The following ENOX2 variants were observed in gnomAD, a reference collection of about 807,000 sequenced individuals.
ENOX2 encodes ecto-NOX disulfide-thiol exchanger 2.
ENOX2 carries 36 observed loss-of-function variants against 45.0 expected under a neutral mutation model. The observed-to-expected ratio is 0.80, with a 90% confidence interval of 0.61 to 1.06. ENOX2 has a LOEUF of 1.06. ENOX2 is among the 50% of genes least tolerant of loss of function. The pLI is 0.00. For missense variants in ENOX2, 423 were observed against 462.5 expected (o/e 0.91, Z 0.78); for synonymous variants, 174 against 152.3 (o/e 1.14, Z -1.05).
intron 6 of ENOX2, among the ~76,000 whole-genome samples, chrX:130,675,228 C>T (rs1286657933): frequency 9.0e-6 from 1 of 111,467 alleles, no homozygotes; most frequent in Non-Finnish European, 1.9e-5. Context: ...GTTTACAGTC[C>T]CACCAACAGT....
intron 3 of ENOX2, among the ~76,000 whole-genome samples, chrX:130,711,904 C>T (rs922309057): frequency 9.0e-6 from 1 of 111,064 alleles, no homozygotes; most frequent in Non-Finnish European, 1.9e-5. Context: ...GGGGTGAGGG[C>T]GTGGTATAGT....
intron 3 of ENOX2, among the ~76,000 whole-genome samples, chrX:130,769,189 T>C (rs1000222832): frequency 1.8e-5 from 2 of 111,340 alleles, no homozygotes; most frequent in African/African-American, 6.5e-5. Flanking sequence ...CCAGAACATT[T>C]CTCAGTGAAA....
chrX:130,687,749 GAAGA>G (rs1410522989), intron 5 of ENOX2, among the ~76,000 whole-genome samples: 3 of 111,665 alleles, frequency 2.7e-5, no homozygotes, highest in Non-Finnish European at 5.7e-5. Context: ...TCAAAAACCA[GAAGA>G]AAGCATAAAG....
chrX:130,647,891 G>A (rs1292499366), intron 10 of ENOX2, among the ~76,000 whole-genome samples: 1 of 110,652 alleles, frequency 9.0e-6, no homozygotes, highest in African/African-American at 3.3e-5. Context: ...CCTTAAATAA[G>A]TTTTCTTAGA....
intron 2 of ENOX2, among the ~76,000 whole-genome samples, chrX:130,891,828 G>A (rs773600565): frequency 5.4e-5 from 6 of 111,847 alleles, no homozygotes; most frequent in African/African-American, 1.9e-4. Flanking sequence ...ATTCAAAACA[G>A]TGAAAGTAAA....
intron 9 of ENOX2, among the ~76,000 whole-genome samples, chrX:130,661,915 GC>G (rs772835351): frequency 1.3e-4 from 15 of 112,094 alleles, no homozygotes; most frequent in Non-Finnish European, 2.8e-4. Flanking sequence ...TTTTCCTCTA[GC>G]CCCATGGTGT....
rs1348691471 is a variant in ENOX2 at position 130,631,496 on chromosome X, G to C, written c.1500C>G (p.Ile500Met). The C allele has an allele frequency of 5.0e-6, 6 of 1,196,309 alleles. No homozygotes were observed. The highest frequency in any genetic ancestry group is 5.7e-6 in the Non-Finnish European group (5 of 882,862). Residue 500 changes from isoleucine (I) to methionine (M), a missense_variant, in exon 13 of 15, where the codon ATC becomes ATG. Coordinates refer to ENST00000394363, the MANE Select transcript of ENOX2 (RefSeq NM_006375.4). ...PLEKTMNSSP[I>M]KSEREALLVG... ...CTAGCAGTGCTTCACGTTCAGATTT[G>C]ATAGGACTGCTGTTCATGGTCTTCT... is the stretch of plus-strand genomic sequence containing the variant.
chrX:130,898,102 G>A (rs944798500), intron 2 of ENOX2, among the ~76,000 whole-genome samples: 2 of 110,800 alleles, frequency 1.8e-5, no homozygotes, highest in Non-Finnish European at 3.8e-5. Flanking sequence ...CCGCCTCCTG[G>A]GTTGAAGCAA....
rs187017146 is a variant in ENOX2 at position 130,665,613 on chromosome X, A to G, written c.1014+30T>C. 7.8e-4 allele frequency: 814 copies of G among 1,039,959 alleles called. 3 individuals carry two copies. In the African/African-American group the frequency reaches 0.014, roughly 18 times the overall value. The allele number at this position is 1,039,959 out of a possible 1,213,427, so 85.7% of individuals were successfully genotyped here. A position where few individuals can be genotyped will look rare whatever the true frequency, so the allele number is the denominator to read the frequency against. The stretch of plus-strand genomic sequence containing the variant: ...TGTTAACGAAAGAAACTGTCCCCCC[A>G]AGGGGCTACCAGAATAAAAAGTTAC... On this transcript the variant is annotated intron_variant, in intron 9 of 14. Transcript: ENST00000394363.
At chrX:130,786,919 A>G (rs2076979643) in intron 2 of ENOX2, among the ~76,000 whole-genome samples, 1 of 87,408 alleles carries the variant, frequency 1.1e-5, no homozygotes, top group Non-Finnish European at 2.2e-5. Context: ...GTATATACCC[A>G]GTAATGGGAT....
intron 12 of ENOX2, among the ~76,000 whole-genome samples, chrX:130,631,805 G>GTTTT (rs757104618): frequency 2.1e-5 from 2 of 94,962 alleles, no homozygotes; most frequent in Non-Finnish European, 4.3e-5. Context: ...ACCTTCACCA[G>GTTTT]TTTTTTTTTT....
At chrX:130,744,030 T>C (rs1018528293) in intron 3 of ENOX2, among the ~76,000 whole-genome samples, 1 of 112,112 alleles carries the variant, frequency 8.9e-6, no homozygotes, top group Non-Finnish European at 1.9e-5. Context: ...CCTAAATGCC[T>C]AGCACTATGG....
At chrX:130,807,498 C>T (rs2077323767) in intron 2 of ENOX2, among the ~76,000 whole-genome samples, 1 of 111,797 alleles carries the variant, frequency 8.9e-6, no homozygotes, top group Non-Finnish European at 1.9e-5. Flanking sequence ...CTCCCCTCCA[C>T]TGCTGCCATT....
At chrX:130,739,453 C>T (rs762119424) in intron 3 of ENOX2, among the ~76,000 whole-genome samples, 2 of 112,291 alleles carry the variant, frequency 1.8e-5, no homozygotes, top group East Asian at 2.8e-4. Flanking sequence ...ATGTGTTTAT[C>T]GGGCAGTAAC....
intron 2 of ENOX2, among the ~76,000 whole-genome samples, chrX:130,821,201 A>C (rs751525460): frequency 9.0e-6 from 1 of 110,565 alleles, no homozygotes; most frequent in African/African-American, 3.3e-5. Flanking sequence ...GTATATACCC[A>C]AATGACTATA....
At chrX:130,888,044 T>G (rs1241414205) in intron 2 of ENOX2, among the ~76,000 whole-genome samples, 1 of 112,051 alleles carries the variant, frequency 8.9e-6, no homozygotes, top group Non-Finnish European at 1.9e-5. Flanking sequence ...AGCTAATTAT[T>G]TTAAGGCAAT....
intron 2 of ENOX2, among the ~76,000 whole-genome samples, chrX:130,847,716 A>G (rs997746729): frequency 3.6e-5 from 4 of 112,646 alleles, no homozygotes; most frequent in Non-Finnish European, 7.5e-5. Flanking sequence ...GTGAATGATT[A>G]AAGTCAATAA....
intron 3 of ENOX2, among the ~76,000 whole-genome samples, chrX:130,724,350 A>G (rs977679002): frequency 8.9e-6 from 1 of 112,562 alleles, no homozygotes; most frequent in African/African-American, 3.2e-5. Flanking sequence ...AACCAAACAG[A>G]ACTGTATGCA....
intron 8 of ENOX2, 72 bp downstream of exon 8, chrX:130,667,458 G>A: frequency 1.0e-6 from 1 of 978,461 alleles, no homozygotes; most frequent in Non-Finnish European, 1.5e-6. Flanking sequence ...GGAGGCCTGA[G>A]CTCCCATAGA....
Sources: allele counts gnomAD v4.1 joint callset (sites outside exome capture counted in the v4.1 genomes callset), GRCh38; gene constraint gnomAD v4.1.1; transcripts MANE v1.5; gene names NCBI Gene and HGNC (gene_info 2026-07-23, HGNC 2026-07-21).